The following PATJ variants were observed in gnomAD, a reference collection of about 807,000 sequenced individuals.
PATJ encodes the protein PATJ crumbs cell polarity complex component.
A neutral mutation model predicts 224.9 loss-of-function variants in PATJ; 190 were observed. The observed-to-expected ratio is 0.84, with a 90% CI of 0.75 to 0.95. The LOEUF is 0.95. Ranked by LOEUF, PATJ falls within the 40% of genes least tolerant of loss-of-function variation. The probability of loss-of-function intolerance (pLI) is 0.00; values close to 1 mark genes in which losing one functional copy is unlikely to be tolerated. For missense variants in PATJ, 2,121 were observed against 2,270.3 expected, an observed-to-expected ratio of 0.93 and a Z score of 1.34; for synonymous variants, 769 against 820.3, an observed-to-expected ratio of 0.94 and a Z score of 1.07.
At chr1:61,742,754 G>A (rs1312369915) in intron 1 of PATJ, among the ~76,000 whole-genome samples, 199 bp downstream of exon 1, 1 of 150,808 alleles carries the variant, frequency 6.6e-6, no homozygotes, top group East Asian at 2.0e-4. Flanking sequence ...CCGCGGCGAG[G>A]ATGGGGCGCC....
At chr1:61,778,935 A>G (rs1833047) in intron 7 of PATJ, among the ~76,000 whole-genome samples, 106,569 of 151,986 alleles carry the variant, frequency 0.7, 37,500 homozygotes, top group East Asian at 0.88. Context: ...TCCTGACCTT[A>G]TGATCCATCT....
intron 22 of PATJ, among the ~76,000 whole-genome samples, chr1:61,897,207 A>G (rs879337801): frequency 5.9e-5 from 9 of 152,226 alleles, no homozygotes; most frequent in Admixed American, 5.9e-4. Flanking sequence ...CCATCAAAAT[A>G]GGACAGTTTG....
chr1:62,124,378 C>T (rs1181082255), intron 39 of PATJ, among the ~76,000 whole-genome samples: 2 of 152,162 alleles, frequency 1.3e-5, no homozygotes, highest in Non-Finnish European at 1.5e-5. Flanking sequence ...CCACCAGGCC[C>T]GGCCAAAAGT....
chr1:61,993,133 T>C (rs1381668583), intron 28 of PATJ, among the ~76,000 whole-genome samples: 1 of 152,212 alleles, frequency 6.6e-6, no homozygotes, highest in Non-Finnish European at 1.5e-5. Flanking sequence ...GACCTGAACT[T>C]CTGACCAACC....
chr1:61,790,966 G>T (rs1167566837), intron 8 of PATJ, among the ~76,000 whole-genome samples: 1 of 152,140 alleles, frequency 6.6e-6, no homozygotes, highest in Non-Finnish European at 1.5e-5. Context: ...CTTTTTATTT[G>T]TCGGCTGCCA....
At chr1:62,135,518 A>G (rs1357170366) in intron 41 of PATJ, among the ~76,000 whole-genome samples, 13 of 12,462 alleles carry the variant, frequency 1.0e-3, no homozygotes, top group Non-Finnish European at 2.0e-3. Context: ...TCCGTCTCAA[A>G]AAAAAAAAAA....
At chr1:61,793,936 CT>C (rs71050159) in intron 9 of PATJ, among the ~76,000 whole-genome samples, 146,317 of 146,318 alleles carry the variant, frequency 1, 73,158 homozygotes, top group Non-Finnish European at 1. Flanking sequence ...GAATCTCGCT[CT>C]TGTTGCCCAG....
At chr1:62,047,149 A>T (rs898908990) in intron 30 of PATJ, among the ~76,000 whole-genome samples, 2 of 152,222 alleles carry the variant, frequency 1.3e-5, no homozygotes, top group Non-Finnish European at 2.9e-5. Flanking sequence ...ACGCCTCTTC[A>T]TGTGAGAATC....
intron 27 of PATJ, among the ~76,000 whole-genome samples, chr1:61,942,209 AT>A (rs1249889391): frequency 1.3e-5 from 2 of 152,240 alleles, no homozygotes; most frequent in Non-Finnish European, 2.9e-5. Context: ...TTGAGAAAAA[AT>A]ATATGCTTTC....
chr1:61,903,424 T>A (rs576398656), intron 24 of PATJ, among the ~76,000 whole-genome samples: 47 of 152,292 alleles, frequency 3.1e-4, no homozygotes, highest in Middle Eastern at 3.4e-3. Flanking sequence ...AGGAACAGAT[T>A]TGGGGAGACA....
intron 27 of PATJ, among the ~76,000 whole-genome samples, chr1:61,965,308 G>GA (rs935574910): frequency 2.2e-4 from 34 of 151,702 alleles, no homozygotes; most frequent in Non-Finnish European, 3.7e-4. Context: ...AGGATTCAAT[G>GA]AAAAAAACAT....
chr1:61,746,522 C>T (rs1010190037), intron 1 of PATJ, among the ~76,000 whole-genome samples: 11 of 152,076 alleles, frequency 7.2e-5, no homozygotes, highest in African/African-American at 2.7e-4. Context: ...CTTAAAGCAC[C>T]CCAACAGTAT....
intron 27 of PATJ, among the ~76,000 whole-genome samples, chr1:61,953,038 GT>G (rs1557934798): frequency 4.6e-5 from 7 of 152,110 alleles, no homozygotes; most frequent in African/African-American, 1.7e-4. Context: ...TTCGTTAGGG[GT>G]GGGGGCTCAG....
intron 1 of PATJ, among the ~76,000 whole-genome samples, chr1:61,743,410 G>A (rs1217136826): frequency 1.3e-5 from 2 of 152,158 alleles, no homozygotes; most frequent in African/African-American, 4.8e-5. Flanking sequence ...ATTCCAGTTG[G>A]TTGTTTACTG....
At chr1:62,111,359 G>A (rs2148881134) in intron 34 of PATJ, among the ~76,000 whole-genome samples, 1 of 152,196 alleles carries the variant, frequency 6.6e-6, no homozygotes, top group Admixed American at 6.5e-5. Context: ...TGTATTCATT[G>A]GCCTAAAGTA....
At chr1:61,783,448 A>T (rs1391515021) in intron 7 of PATJ, among the ~76,000 whole-genome samples, 3 of 138,728 alleles carry the variant, frequency 2.2e-5, no homozygotes, top group Non-Finnish European at 4.6e-5. Context: ...TTTTAAATAG[A>T]GACAGAGTCT....
intron 22 of PATJ, among the ~76,000 whole-genome samples, chr1:61,898,405 AT>A (rs34243564): frequency 0.22 from 32,073 of 144,266 alleles, 4,094 homozygotes; most frequent in African/African-American, 0.37. Flanking sequence ...TGCCCAGCTA[AT>A]TTTTTTTTTT....
chr1:61,894,567 G>A (rs1208810604), intron 22 of PATJ, among the ~76,000 whole-genome samples: 2 of 152,166 alleles, frequency 1.3e-5, no homozygotes, highest in Admixed American at 6.6e-5. Flanking sequence ...CAACATGTAA[G>A]ATGTGCCTTG....
At chr1:61,830,329 G>A (rs1659082571) in intron 16 of PATJ, among the ~76,000 whole-genome samples, 1 of 152,110 alleles carries the variant, frequency 6.6e-6, no homozygotes, top group South Asian at 2.1e-4. Flanking sequence ...TCTACAATGA[G>A]AATTATAAAA....
Sources: allele counts gnomAD v4.1 joint callset (sites outside exome capture counted in the v4.1 genomes callset), GRCh38; gene constraint gnomAD v4.1.1; transcripts MANE v1.5; gene names NCBI Gene and HGNC (gene_info 2026-07-23, HGNC 2026-07-21).